Variants in RNF19B observed in about 807,000 individuals in gnomAD.
RNF19B encodes the protein ring finger protein 19B, also known as E3 ubiquitin-protein ligase RNF19B.
In RNF19B, 23 loss-of-function variants were observed where a neutral mutation model predicts 65.5. That is an observed-to-expected ratio of 0.35 (90% confidence interval 0.25 to 0.50). The LOEUF (loss-of-function observed/expected upper bound fraction) is 0.50, where lower values mean the gene tolerates loss of function less well. RNF19B is among the 20% of genes least tolerant of loss of function. RNF19B has a pLI of 0.98. For missense variants in RNF19B, 794 were observed against 980.0 expected, an observed-to-expected ratio of 0.81 and a Z score of 2.53; for synonymous variants, 372 against 379.6, an observed-to-expected ratio of 0.98 and a Z score of 0.23.
At position 32,937,179 on chromosome 1, in the gene RNF19B, T is replaced by G; in HGVS notation, c.1823A>C (p.Glu608Ala). ...CTGAGCATGAACATGGAGCGAGTCC[T>G]CCGTGCTGCTTCCACTCACCAGCTG... ...HYQLVSGSST[E>A]DSLHVHAQMA... Residue 608 changes from glutamate (E) to alanine (A), a missense_variant, in exon 9 of 9, where the codon GAG becomes GCG. Physicochemically the swap from Glu to Ala is moderately radical, Grantham distance 107 (BLOSUM62 -1). This residue lies in a region of RNF19B where 368 missense variants were observed against 447.3 expected (regional missense o/e 0.82). Transcript: ENST00000235150. 6.2e-7 allele frequency: 1 copy of G among 1,614,202 alleles called. No homozygotes were observed. The highest frequency in any genetic ancestry group is 8.5e-7 in the Non-Finnish European group (1 of 1,180,038).
the RNF19B span, among the ~76,000 whole-genome samples, chr1:32,931,157 G>C: frequency 3.9e-5 from 6 of 152,060 alleles, no homozygotes; most frequent in East Asian, 1.2e-3. Context: ...CCCCCATATT[G>C]ATAAATTCAA....
chr1:32,948,927 T>C (rs774452881), intron 2 of RNF19B, among the ~76,000 whole-genome samples: 1 of 152,184 alleles, frequency 6.6e-6, no homozygotes, highest in Non-Finnish European at 1.5e-5. Context: ...TTATGAACTA[T>C]CCTAATAAAA....
the RNF19B span, among the ~76,000 whole-genome samples, chr1:32,929,899 T>C: frequency 5.9e-5 from 9 of 152,308 alleles, no homozygotes; most frequent in African/African-American, 2.2e-4. Context: ...ATATCAGGGA[T>C]TCCTTTACAA....
chr1:32,960,167 A>G (rs1241725574), intron 1 of RNF19B, among the ~76,000 whole-genome samples: 2 of 152,246 alleles, frequency 1.3e-5, no homozygotes, highest in Non-Finnish European at 2.9e-5. Flanking sequence ...TCTTTGCTCT[A>G]TCCTACAAAT....
At position 32,936,497 on chromosome 1, in the gene RNF19B, T is replaced by C. The variant is rs1353761653; in HGVS notation, c.*309A>G. 4.5e-6 allele frequency: 1 copy of C among 223,732 alleles called. No individual in the cohort carries two copies. Among genetic ancestry groups the C allele is most frequent in the Non-Finnish European group, 8.7e-6 (1 of 114,786 alleles). The allele number at this position is 223,732 out of a possible 1,614,324, so 13.9% of individuals were successfully genotyped here. On this transcript the variant is annotated 3_prime_UTR_variant, in exon 9 of 9. Transcript: ENST00000235150. Reference sequence around the variant, plus strand: ...TTAAAATGTGTCTTTCAGTAATATGTTTAGCATTCAATATACACACATACA... The same window carrying C: ...TTAAAATGTGTCTTTCAGTAATATGCTTAGCATTCAATATACACACATACA...
At chr1:32,935,121 C>T (rs559155701), downstream of RNF19B, among the ~76,000 whole-genome samples, 11 of 150,348 alleles carry the variant, frequency 7.3e-5, no homozygotes, top group Non-Finnish European at 1.2e-4. Flanking sequence ...TGAACCACTG[C>T]GCCCAGCCCA....
intron 1 of RNF19B, among the ~76,000 whole-genome samples, chr1:32,961,506 A>G (rs1035968264): frequency 1.3e-5 from 2 of 152,210 alleles, no homozygotes; most frequent in Non-Finnish European, 2.9e-5. Flanking sequence ...TTATAAAACT[A>G]TATCAAACCT....
intron 1 of RNF19B, 30 bp from the exon 2 acceptor site, chr1:32,949,804 T>G (rs1346446138): frequency 1.9e-6 from 3 of 1,555,728 alleles, no homozygotes; most frequent in Non-Finnish European, 2.6e-6. Context: ...GAGATACCAG[T>G]AAGGTAAGAA....
rs780745942 is a variant in RNF19B at position 32,937,065 on chromosome 1, C to G, written c.1937G>C (p.Cys646Ser). 2.2e-5 allele frequency: 36 copies of G among 1,614,204 alleles called. No homozygotes were observed. Among genetic ancestry groups the G allele is most frequent in the Non-Finnish European group, 3.0e-5 (35 of 1,180,050 alleles). The change falls in exon 9 of 9, where the codon TGC (cysteine) becomes TCC (serine). Residue 646 changes from cysteine to serine, a missense_variant. By Grantham distance (112) the Cys-to-Ser change is moderately radical. Coordinates refer to ENST00000235150, the MANE Select transcript of RNF19B (RefSeq NM_001300826.2). ...GATGTCCCAAGGTTTGCTGGCCAGG[C>G]AGTCTTTCTGTTCACAGCTTTGGTG... ...CRHQSCEQKDCLASKPWDISL... is the reference protein window; with the variant it reads ...CRHQSCEQKDSLASKPWDISL...
intron 1 of RNF19B, among the ~76,000 whole-genome samples, chr1:32,955,674 G>A (rs991636203): frequency 4.6e-5 from 7 of 151,288 alleles, no homozygotes; most frequent in Non-Finnish European, 8.9e-5. Context: ...GCTACAGCCC[G>A]GGAGGTGGAG....
intron 1 of RNF19B, among the ~76,000 whole-genome samples, chr1:32,958,678 T>C (rs1235462779): frequency 6.7e-6 from 1 of 149,640 alleles, no homozygotes; most frequent in Non-Finnish European, 1.5e-5. Flanking sequence ...ATTGCACCAC[T>C]GCACTCCAGC....
In RNF19B at chr1:32,964,638, A is replaced by C. The variant is rs968570460; in HGVS notation, c.48T>G (p.His16Gln). ...DSESPRSTSL[H>Q]AAAPDPKCRS... ...GGCACTTAGGGTCGGGTGCGGCCGC[A>C]TGTAGCGATGTGGAGCGCGGCGACT... Residue 16 changes from histidine to glutamine, a missense_variant, in exon 1 of 9, where the codon CAT (histidine) becomes CAG (glutamine). This residue lies in a region of RNF19B where 374 missense variants were observed against 423.8 expected (regional missense o/e 0.88). Coordinates refer to ENST00000235150, the MANE Select transcript of RNF19B (RefSeq NM_001300826.2). The surrounding 1 kb of genome is among the most constrained non-coding windows in gnomAD (Gnocchi z 6.5). The C allele has an allele frequency of 7.5e-6, 11 of 1,473,726 alleles. No homozygotes were observed. The highest frequency in any genetic ancestry group is 1.5e-5 in the African/African-American group (1 of 67,752). 91.3% of individuals were successfully genotyped at this position (1,473,726 alleles called of 1,614,324 possible).
At chr1:32,957,577 T>TA (rs1642668897) in intron 1 of RNF19B, among the ~76,000 whole-genome samples, 1 of 152,198 alleles carries the variant, frequency 6.6e-6, no homozygotes, top group African/African-American at 2.4e-5. Flanking sequence ...CTCACACCTG[T>TA]AATCCCAGCA....
chr1:32,954,526 G>A (rs1398522321), intron 1 of RNF19B, among the ~76,000 whole-genome samples: 2 of 151,680 alleles, frequency 1.3e-5, no homozygotes, highest in Non-Finnish European at 2.9e-5. Context: ...ATCACCTGAG[G>A]TCAGGAGTTC....
In RNF19B at chr1:32,938,631, TTGTC is replaced by T; in HGVS notation, c.1611-107_1611-104del. The T allele has an allele frequency of 4.9e-6, 6 of 1,226,396 alleles. No homozygotes were observed. The South Asian group carries it at 7.0e-5, about 14-fold the overall frequency. The allele number at this position is 1,226,396 out of a possible 1,614,324, so 76.0% of individuals were successfully genotyped here. A position where few individuals can be genotyped will look rare whatever the true frequency, so the allele number is the denominator to read the frequency against. The stretch of plus-strand genomic sequence containing the variant: ...TCCATTACTCTCTTGCAAATTGTGG[TTGTC>T]TGTCTGATCTTCTCCAACTGTCAAA... On this transcript the variant is annotated intron_variant, in intron 7 of 8. Coordinates refer to ENST00000235150, the MANE Select transcript of RNF19B (RefSeq NM_001300826.2).
intron 1 of RNF19B, among the ~76,000 whole-genome samples, chr1:32,953,503 A>T (rs1642560556): frequency 1.3e-5 from 2 of 152,090 alleles, no homozygotes; most frequent in South Asian, 4.1e-4. Context: ...GAGTCTGCAA[A>T]TTGACTTGAG....
At chr1:32,942,577 G>T in intron 6 of RNF19B, 118 bp from the exon 7 acceptor site, 1 of 752,182 alleles carries the variant, frequency 1.3e-6, no homozygotes, top group Non-Finnish European at 2.1e-6. Flanking sequence ...CAGGTACTGT[G>T]TGCAGTCGCC....
chr1:32,951,306 G>A (rs194647), intron 1 of RNF19B, among the ~76,000 whole-genome samples: 28,037 of 152,290 alleles, frequency 0.18, 3,153 homozygotes, highest in East Asian at 0.25. Context: ...AGGCATAGCA[G>A]TTGCACTTCT....
chr1:32,957,855 T>C (rs929625546), intron 1 of RNF19B, among the ~76,000 whole-genome samples: 4 of 152,220 alleles, frequency 2.6e-5, no homozygotes, highest in South Asian at 2.1e-4. Flanking sequence ...GTCTGTTGAA[T>C]TGAATGATCA....
Sources: gnomAD v4.1 joint callset for allele counts (sites outside exome capture counted in the v4.1 genomes callset) on GRCh38, gnomAD v4.1.1 for gene constraint, gnomAD v4.1.1 regional missense constraint, Gnocchi (gnomAD v3.1) non-coding constraint, MANE v1.5 for transcripts, NCBI Gene and HGNC (gene_info 2026-07-23, HGNC 2026-07-21) for gene names.